The following THEMIS variants were observed in gnomAD, a reference collection of about 807,000 sequenced individuals.
THEMIS encodes the protein thymocyte selection associated, also known as protein THEMIS.
A neutral mutation model predicts 52.6 loss-of-function variants in THEMIS; 37 were observed. That is an observed-to-expected ratio of 0.70 (90% CI 0.54 to 0.93). The LOEUF (loss-of-function observed/expected upper bound fraction) is 0.93. Among genes scored for constraint, THEMIS ranks in the 40% least tolerant of loss-of-function variants. The probability of loss-of-function intolerance (pLI) is 0.00; values close to 1 mark genes in which losing one functional copy is unlikely to be tolerated. For missense variants in THEMIS, 808 were observed against 763.1 expected, an observed-to-expected ratio of 1.06 and a Z score of -0.69; for synonymous variants, 292 against 272.7, an observed-to-expected ratio of 1.07 and a Z score of -0.70.
chr6:127,784,044 T>A (rs1776839122), intron 4 of THEMIS, among the ~76,000 whole-genome samples: 1 of 152,174 alleles, frequency 6.6e-6, no homozygotes, highest in Non-Finnish European at 1.5e-5. Flanking sequence ...CACCATGGAA[T>A]ACTATGCAGA....
chr6:127,700,933 C>A, the THEMIS span, among the ~76,000 whole-genome samples: 1 of 151,936 alleles, frequency 6.6e-6, no homozygotes, highest in Non-Finnish European at 1.5e-5. Context: ...GGCTCTCATC[C>A]CCAATCTCTC....
chr6:127,808,428 T>G (rs78838542), intron 4 of THEMIS, among the ~76,000 whole-genome samples: 1 of 152,248 alleles, frequency 6.6e-6, no homozygotes, highest in African/African-American at 2.4e-5. Flanking sequence ...AGAACACAAT[T>G]TCAGGCCCAG....
chr6:127,701,856 T>C, the THEMIS span, among the ~76,000 whole-genome samples: 2 of 152,212 alleles, frequency 1.3e-5, no homozygotes, highest in African/African-American at 4.8e-5. Context: ...AAGTGCCTGC[T>C]TAAGTTCTTT....
chr6:127,771,130 A>G (rs930116264), intron 4 of THEMIS, among the ~76,000 whole-genome samples: 1 of 152,150 alleles, frequency 6.6e-6, no homozygotes, highest in African/African-American at 2.4e-5. Flanking sequence ...CTAATAACAG[A>G]CAAAGAACCA....
At position 127,777,886 on chromosome 6, in the gene THEMIS, T is replaced by A. The variant is rs1344366982; in HGVS notation, c.1758+34997A>T. ...ATAGACATCCAGAGTTCTATAATTG[T>A]TTCCAGAGGGGTGACTAGGTTCCCC... On this transcript the variant is annotated intron_variant, in intron 4 of 5. Coordinates refer to ENST00000368248, the MANE Select transcript of THEMIS (RefSeq NM_001010923.3). Among the ~76,000 whole-genome samples the A allele has an allele frequency of 3.3e-5, 5 of 152,272 alleles. No homozygotes were observed. In the East Asian group the frequency reaches 9.6e-4, roughly 29 times the overall value.
At chr6:127,895,847 C>T (rs198524) in intron 1 of THEMIS, among the ~76,000 whole-genome samples, 105,051 of 150,966 alleles carry the variant, frequency 0.7, 36,855 homozygotes, top group East Asian at 0.97. Flanking sequence ...CAAAAGACTC[C>T]AACCAAGAAG....
At chr6:127,841,668 C>A (rs1779051542) in intron 2 of THEMIS, among the ~76,000 whole-genome samples, 1 of 151,426 alleles carries the variant, frequency 6.6e-6, no homozygotes, top group Admixed American at 6.6e-5. Context: ...TGGTAGTTAT[C>A]CAAAGACCAA....
chr6:127,740,350 G>A (rs1210991003), intron 4 of THEMIS, among the ~76,000 whole-genome samples: 1 of 152,116 alleles, frequency 6.6e-6, no homozygotes, highest in Non-Finnish European at 1.5e-5. Context: ...CTGATTCTAT[G>A]GCTGAAGTTA....
the THEMIS span, among the ~76,000 whole-genome samples, chr6:127,699,895 T>C: frequency 3.3e-5 from 5 of 151,910 alleles, no homozygotes; most frequent in Non-Finnish European, 5.9e-5. Context: ...ATGACTTGTG[T>C]TGGGCAAATA....
chr6:127,723,392 C>T (rs948693132), intron 4 of THEMIS, among the ~76,000 whole-genome samples: 1 of 152,002 alleles, frequency 6.6e-6, no homozygotes, highest in Non-Finnish European at 1.5e-5. Flanking sequence ...TTCTTAGTCT[C>T]CTTTGCTGGA....
At chr6:127,711,840 T>C (rs1773993423) in intron 5 of THEMIS, among the ~76,000 whole-genome samples, 1 of 151,946 alleles carries the variant, frequency 6.6e-6, no homozygotes, top group Admixed American at 6.6e-5. Context: ...ATAAATGAAT[T>C]GTAGTACAGA....
chr6:127,793,862 C>A (rs557297673), intron 4 of THEMIS, among the ~76,000 whole-genome samples: 27 of 152,308 alleles, frequency 1.8e-4, no homozygotes, highest in Admixed American at 4.6e-4. Context: ...GACCACAGAG[C>A]AAACTATTTA....
rs567364508 is a variant in THEMIS, at chr6:127,732,386, C to T, written c.1759-12563G>A. Among the ~76,000 whole-genome samples the T allele has an allele frequency of 4.6e-5, 7 of 152,096 alleles. No individual in the cohort carries two copies. The South Asian group carries it at 1.5e-3, about 32-fold the overall frequency. ...AATGGTTCTCTTTTGCTTATAAGTA[C>T]AATATTTTATTTACAATAGTATATA... On this transcript the variant is annotated intron_variant, in intron 4 of 5. Coordinates refer to ENST00000368248, the MANE Select transcript of THEMIS (RefSeq NM_001010923.3).
intron 1 of THEMIS, 83 bp from the exon 2 acceptor site, chr6:127,855,271 G>T: frequency 8.2e-7 from 1 of 1,218,560 alleles, no homozygotes; most frequent in Non-Finnish European, 1.1e-6. Context: ...AATATAAAGT[G>T]TTTTAATTCA....
chr6:127,908,897 C>T (rs1378917304), intron 1 of THEMIS, among the ~76,000 whole-genome samples: 1 of 151,802 alleles, frequency 6.6e-6, no homozygotes, highest in South Asian at 2.1e-4. Context: ...TAGAGCCTCA[C>T]AGAAACAATT....
chr6:127,744,186 G>T (rs975429340), intron 4 of THEMIS, among the ~76,000 whole-genome samples: 2 of 151,982 alleles, frequency 1.3e-5, no homozygotes, highest in East Asian at 1.9e-4. Flanking sequence ...TTAAAGAGGG[G>T]TTTATTCTTT....
chr6:127,731,670 T>C (rs1278895918), intron 4 of THEMIS, among the ~76,000 whole-genome samples: 1 of 149,162 alleles, frequency 6.7e-6, no homozygotes, highest in Non-Finnish European at 1.5e-5. Context: ...ACTTCCATAA[T>C]AGGTAGCTTT....
At chr6:127,899,710 TA>T (rs923225154) in intron 1 of THEMIS, among the ~76,000 whole-genome samples, 1 of 151,484 alleles carries the variant, frequency 6.6e-6, no homozygotes, top group African/African-American at 2.4e-5. Context: ...ACGTAAAGCC[TA>T]AAAAACACAA....
chr6:127,753,304 C>T (rs991103954), intron 4 of THEMIS, among the ~76,000 whole-genome samples: 1 of 151,952 alleles, frequency 6.6e-6, no homozygotes, highest in Non-Finnish European at 1.5e-5. Context: ...TAAATAAATT[C>T]AGTAAATACG....
Sources: allele counts gnomAD v4.1 joint callset (sites outside exome capture counted in the v4.1 genomes callset), GRCh38; gene constraint gnomAD v4.1.1; transcripts MANE v1.5; gene names NCBI Gene and HGNC (gene_info 2026-07-23, HGNC 2026-07-21).